The following SUMF1 variants were observed in gnomAD, a reference collection of about 807,000 sequenced individuals.
SUMF1 encodes sulfatase modifying factor 1, also known as formylglycine-generating enzyme.
A neutral mutation model predicts 47.6 loss-of-function variants in SUMF1; 48 were observed. The ratio of observed to expected loss-of-function variants is 1.01; its 90% CI spans 0.80 to 1.28. SUMF1 has a LOEUF of 1.28. Ranked by LOEUF, SUMF1 falls within the 50% of genes most tolerant of loss-of-function variation. The pLI is 0.00. For synonymous variants in SUMF1, 230 were observed against 192.1 expected (o/e 1.20, Z -1.63); for missense variants, 571 against 485.4 (o/e 1.18, Z -1.66).
intron 3 of SUMF1, among the ~76,000 whole-genome samples, chr3:4,425,684 C>T (rs1328550215): frequency 6.6e-6 from 1 of 152,194 alleles, no homozygotes; most frequent in Non-Finnish European, 1.5e-5. Flanking sequence ...AACCCACTCT[C>T]TAAAGCAAGC....
At position 4,213,746 on chromosome 3, in the gene SUMF1, C is replaced by G. The variant is rs533803562; in HGVS notation, c.1015-145001G>C. Among the ~76,000 whole-genome samples, 10 of 152,194 alleles carry G rather than the reference C, an allele frequency of 6.6e-5. No homozygotes were observed. The South Asian group carries it at 2.1e-3, about 32-fold the overall frequency. Reference sequence around the variant, plus strand: ...CCAAGCAAATGGAAAGCAAAAAAAGCAGGAGTTGCAATCCCAGTCTCTGAT... The same window carrying G: ...CCAAGCAAATGGAAAGCAAAAAAAGGAGGAGTTGCAATCCCAGTCTCTGAT... On this transcript the variant is annotated intron_variant and NMD_transcript_variant, in intron 8 of 12. Coordinates refer to the SUMF1 transcript ENST00000448413.
In SUMF1 at chr3:4,419,944, TAC is replaced by T. The variant is rs900003405; in HGVS notation, c.602+118_602+119del. 4.3e-5 allele frequency: 35 copies of T among 821,024 alleles called. No homozygotes were observed. The African/African-American group carries it at 5.4e-4, about 13-fold the overall frequency. 50.9% of individuals were successfully genotyped at this position (821,024 alleles called of 1,614,324 possible). ...CCATCTTATTTTCCTACCAATCAAT[TAC>T]AGTTTGTCATTCTTATCATTTTATA... On this transcript the variant is annotated intron_variant, in intron 4 of 8. Coordinates refer to ENST00000272902, the MANE Select transcript of SUMF1 (RefSeq NM_182760.4).
At chr3:4,215,629 G>A (rs1695905385) in intron 8 of SUMF1, among the ~76,000 whole-genome samples, 2 of 152,162 alleles carry the variant, frequency 1.3e-5, no homozygotes, top group African/African-American at 4.8e-5. Context: ...TGACATGATT[G>A]TATATTTAGA....
chr3:4,366,479 C>G (rs561468122), intron 8 of SUMF1, among the ~76,000 whole-genome samples: 2 of 151,630 alleles, frequency 1.3e-5, no homozygotes, highest in South Asian at 2.1e-4. Flanking sequence ...TCTTCCATCA[C>G]TGATACCCTT....
rs371817128 is a variant in SUMF1 at position 4,080,268 on chromosome 3, A to G, written c.1015-11523T>C. Among the ~76,000 whole-genome samples the G allele has an allele frequency of 6.6e-5, 10 of 152,254 alleles. 2 individuals carry two copies. Among genetic ancestry groups the G allele is most frequent in the Admixed American group, 6.5e-5 (1 of 15,304 alleles). On this transcript the variant is annotated intron_variant and NMD_transcript_variant, in intron 8 of 12. Transcript: ENST00000448413. ...GAATGAAGGCTACAGCTGGACACCA[A>G]AAGATTATACCATTAATTTTTAAGT... is the stretch of plus-strand genomic sequence containing the variant.
intron 8 of SUMF1, among the ~76,000 whole-genome samples, chr3:4,321,670 CAATA>C (rs1698837958): frequency 6.6e-6 from 1 of 151,862 alleles, no homozygotes; most frequent in Non-Finnish European, 1.5e-5. Context: ...ATGATTGAAT[CAATA>C]AATAAATGGG....
intron 8 of SUMF1, among the ~76,000 whole-genome samples, chr3:4,151,507 A>G (rs997667277): frequency 1.1e-4 from 16 of 145,206 alleles, no homozygotes; most frequent in African/African-American, 4.1e-4. Flanking sequence ...ATATATGTGT[A>G]TATGTATACG....
chr3:4,126,702 G>A (rs1039161987), intron 8 of SUMF1, among the ~76,000 whole-genome samples: 1 of 152,134 alleles, frequency 6.6e-6, no homozygotes, highest in Non-Finnish European at 1.5e-5. Context: ...TTTCAAAGAG[G>A]GCAAAAGTCT....
intron 8 of SUMF1, among the ~76,000 whole-genome samples, chr3:4,149,599 A>G (rs1292357382): frequency 2.0e-5 from 3 of 152,176 alleles, no homozygotes. Context: ...GCGCCAATAT[A>G]TCTGTCCTTC....
chr3:4,082,836 T>G (rs1410266162), intron 8 of SUMF1, among the ~76,000 whole-genome samples: 2 of 152,082 alleles, frequency 1.3e-5, no homozygotes, highest in Non-Finnish European at 2.9e-5. Context: ...AAGGAGGGTC[T>G]CTCAGGCAAT....
At chr3:4,157,136 A>T (rs182259119) in intron 8 of SUMF1, among the ~76,000 whole-genome samples, 1 of 151,432 alleles carries the variant, frequency 6.6e-6, no homozygotes, top group Non-Finnish European at 1.5e-5. Context: ...ACCCCATTTA[A>T]TTTCTTGGTG....
At chr3:4,134,786 G>A (rs543659258) in intron 8 of SUMF1, among the ~76,000 whole-genome samples, 1 of 151,942 alleles carries the variant, frequency 6.6e-6, no homozygotes, top group Non-Finnish European at 1.5e-5. Flanking sequence ...ATGATAAAGG[G>A]GGTATCACCA....
intron 8 of SUMF1, among the ~76,000 whole-genome samples, chr3:4,159,140 CA>C (rs1320564007): frequency 6.6e-6 from 1 of 151,230 alleles, no homozygotes; most frequent in African/African-American, 2.5e-5. Context: ...TTACTATTAC[CA>C]GTAAGGTTTG....
chr3:4,097,062 T>C (rs1365823245), intron 8 of SUMF1, among the ~76,000 whole-genome samples: 1 of 152,092 alleles, frequency 6.6e-6, no homozygotes, highest in Non-Finnish European at 1.5e-5. Context: ...AACTTCAAAT[T>C]TCATTATTAA....
intron 7 of SUMF1, among the ~76,000 whole-genome samples, chr3:4,400,367 G>A (rs994590043): frequency 9.9e-5 from 15 of 152,172 alleles, no homozygotes; most frequent in Admixed American, 2.6e-4. Flanking sequence ...AAGCATCAGT[G>A]GAGCAAAAGT....
In SUMF1 at chr3:4,410,917, C is replaced by G; in HGVS notation, c.902G>C (p.Trp301Ser). The change falls in exon 7 of 9, where the codon TGG becomes TCG. Residue 301 changes from tryptophan to serine, a missense_variant. By Grantham distance (177) the Trp-to-Ser change is radical. Coordinates refer to ENST00000272902, the MANE Select transcript of SUMF1 (RefSeq NM_182760.4). Reference protein sequence around the residue: ...LYNIVGNAWEWTSDWWTVHHS... With the variant: ...LYNIVGNAWESTSDWWTVHHS... ...ATGAACAGTCCACCAGTCTGAAGTC[C>G]ATTCCCATGCGTTCCCCACTATGTT... 6.2e-7 allele frequency: 1 copy of G among 1,614,092 alleles called. No individual in the cohort carries two copies. Among genetic ancestry groups the G allele is most frequent in the African/African-American group, 1.3e-5 (1 of 75,034 alleles).
chr3:4,138,071 A>G (rs1165631166), intron 8 of SUMF1, among the ~76,000 whole-genome samples: 2 of 152,128 alleles, frequency 1.3e-5, no homozygotes, highest in Admixed American at 6.6e-5. Flanking sequence ...AATAGCATCA[A>G]AAAAATAAAA....
chr3:4,461,542 T>C (rs919661159), intron 1 of SUMF1, among the ~76,000 whole-genome samples: 1 of 152,172 alleles, frequency 6.6e-6, no homozygotes, highest in African/African-American at 2.4e-5. Flanking sequence ...TTTACAATTA[T>C]CTAACTTTTC....
chr3:4,376,116 G>T (rs1160648562), intron 8 of SUMF1, among the ~76,000 whole-genome samples: 1 of 152,210 alleles, frequency 6.6e-6, no homozygotes, highest in Non-Finnish European at 1.5e-5. Flanking sequence ...AAATTTGGTT[G>T]ACAATAGGTC....
Sources: allele counts gnomAD v4.1 joint callset (sites outside exome capture counted in the v4.1 genomes callset), GRCh38; gene constraint gnomAD v4.1.1; transcripts MANE v1.5; gene names NCBI Gene and HGNC (gene_info 2026-07-23, HGNC 2026-07-21).